FCHSD2: variants seen among roughly 807,000 people sequenced by gnomAD.
FCHSD2 encodes F-BAR and double SH3 domains protein 2.
A neutral mutation model predicts 108.1 loss-of-function variants in FCHSD2; 38 were observed. The ratio of observed to expected loss-of-function variants is 0.35; its 90% confidence interval spans 0.27 to 0.46. The LOEUF (loss-of-function observed/expected upper bound fraction) is 0.46, where lower values mean the gene tolerates loss of function less well. FCHSD2 is among the 20% of genes least tolerant of loss of function. The probability of loss-of-function intolerance (pLI) is 1.00; values close to 1 mark genes in which losing one functional copy is unlikely to be tolerated. For missense variants in FCHSD2, 751 were observed against 897.8 expected, an observed-to-expected ratio of 0.84 and a Z score of 2.09; for synonymous variants, 279 against 314.7, an observed-to-expected ratio of 0.89 and a Z score of 1.20.
intron 2 of FCHSD2, among the ~76,000 whole-genome samples, chr11:73,119,952 C>A (rs139159296): frequency 7.9e-4 from 120 of 152,296 alleles, no homozygotes; most frequent in African/African-American, 2.7e-3. Context: ...ACTTACAGTT[C>A]CACATGGCTG....
intron 12 of FCHSD2, among the ~76,000 whole-genome samples, chr11:72,887,036 A>C (rs1175348931): frequency 6.6e-6 from 1 of 151,920 alleles, no homozygotes; most frequent in Non-Finnish European, 1.5e-5. Context: ...CCCTGGATCC[A>C]GGGAACCTTC....
At chr11:73,091,040 T>C (rs1325789254) in intron 2 of FCHSD2, among the ~76,000 whole-genome samples, 1 of 152,252 alleles carries the variant, frequency 6.6e-6, no homozygotes, top group African/African-American at 2.4e-5. Flanking sequence ...GTCTGACTTC[T>C]TGCACTTAGC....
At chr11:72,959,707 A>G (rs1302971448) in intron 8 of FCHSD2, among the ~76,000 whole-genome samples, 1 of 152,168 alleles carries the variant, frequency 6.6e-6, no homozygotes, top group Non-Finnish European at 1.5e-5. Context: ...ATAGCTTTCT[A>G]TGTGTTTACT....
chr11:73,063,333 C>T (rs1047310798), intron 3 of FCHSD2, among the ~76,000 whole-genome samples: 2 of 152,196 alleles, frequency 1.3e-5, no homozygotes, highest in Non-Finnish European at 2.9e-5. Context: ...ACTGCAAAAA[C>T]ATGCCAAATT....
At chr11:73,063,563 A>G (rs958612477) in intron 3 of FCHSD2, among the ~76,000 whole-genome samples, 5 of 152,234 alleles carry the variant, frequency 3.3e-5, no homozygotes, top group Non-Finnish European at 2.9e-5. Context: ...GCAAAGACAC[A>G]CATAGGTTCA....
chr11:73,104,853 T>G (rs529267866), intron 2 of FCHSD2, among the ~76,000 whole-genome samples: 8 of 152,288 alleles, frequency 5.3e-5, no homozygotes, highest in Admixed American at 3.9e-4. Context: ...TCACCGTGCC[T>G]GGCCAACTTT....
chr11:73,129,569 A>G lies in FCHSD2; in HGVS notation c.119+10462T>C, dbSNP rs555710924. 4.6e-5 allele frequency among the ~76,000 whole-genome samples: 7 copies of G among 152,322 alleles called. No homozygotes were observed. The East Asian group carries it at 1.3e-3, about 29-fold the overall frequency. On this transcript the variant is annotated intron_variant, in intron 2 of 19. Transcript: ENST00000409418. ...TCTGTCACTGTCTCCCACCAACCCC[A>G]GATGGGACCGTCCAGTTGCAGAAAA...
chr11:72,989,141 G>A, intron 5 of FCHSD2, 44 bp from the exon 6 acceptor site: 2 of 1,539,118 alleles, frequency 1.3e-6, no homozygotes, highest in East Asian at 4.5e-5. Flanking sequence ...TAGTTTTCAG[G>A]CTTACAGAAA....
intron 8 of FCHSD2, among the ~76,000 whole-genome samples, chr11:72,929,381 C>A (rs948125854): frequency 1.3e-5 from 2 of 152,176 alleles, no homozygotes; most frequent in African/African-American, 4.8e-5. Context: ...ACCACCTCTG[C>A]AAGGCTGTGA....
At chr11:73,064,838 C>G (rs181363447) in intron 3 of FCHSD2, among the ~76,000 whole-genome samples, 38 of 152,246 alleles carry the variant, frequency 2.5e-4, no homozygotes, top group Admixed American at 1.2e-3. Context: ...AAACCAATAA[C>G]AAGTTCTGAA....
intron 3 of FCHSD2, among the ~76,000 whole-genome samples, chr11:73,060,801 A>G (rs1377445297): frequency 2.0e-5 from 3 of 151,978 alleles, no homozygotes; most frequent in Non-Finnish European, 4.4e-5. Flanking sequence ...AGAAGAAGGC[A>G]ATGGAGAGTT....
At chr11:72,935,250 T>C (rs1307336190) in intron 8 of FCHSD2, among the ~76,000 whole-genome samples, 3 of 152,148 alleles carry the variant, frequency 2.0e-5, no homozygotes, top group Non-Finnish European at 2.9e-5. Flanking sequence ...GGAAAATGGG[T>C]CATTTTCCTA....
chr11:73,016,814 C>A (rs982362551), intron 3 of FCHSD2, among the ~76,000 whole-genome samples: 38 of 152,138 alleles, frequency 2.5e-4, no homozygotes, highest in Non-Finnish European at 1.2e-4. Flanking sequence ...TGCCCACTTA[C>A]TATTATCTAC....
intron 10 of FCHSD2, among the ~76,000 whole-genome samples, chr11:72,892,704 A>C (rs1171798521): frequency 6.6e-6 from 1 of 152,022 alleles, no homozygotes; most frequent in Non-Finnish European, 1.5e-5. Context: ...TCCTGGGTTC[A>C]AGTGATCCTC....
chr11:72,968,943 T>C (rs1010272341), intron 8 of FCHSD2, among the ~76,000 whole-genome samples: 8 of 152,228 alleles, frequency 5.3e-5, no homozygotes, highest in African/African-American at 1.9e-4. Flanking sequence ...TCAAAACTGA[T>C]AGGTAATAAT....
At chr11:73,108,185 C>T (rs1200579548) in intron 2 of FCHSD2, among the ~76,000 whole-genome samples, 1 of 152,166 alleles carries the variant, frequency 6.6e-6, no homozygotes, top group Non-Finnish European at 1.5e-5. Flanking sequence ...TGTTCAAATG[C>T]CTGTTTGTCA....
At chr11:72,884,793 A>C (rs1246578452) in intron 12 of FCHSD2, among the ~76,000 whole-genome samples, 1 of 151,942 alleles carries the variant, frequency 6.6e-6, no homozygotes, top group African/African-American at 2.4e-5. Context: ...ACGATGTCTC[A>C]TCTGTTGCCC....
intron 2 of FCHSD2, among the ~76,000 whole-genome samples, chr11:73,085,728 A>G (rs950372259): frequency 2.2e-4 from 33 of 151,984 alleles, no homozygotes; most frequent in African/African-American, 7.5e-4. Context: ...AAAAAAAAAA[A>G]TCCCTGGGCA....
At chr11:72,989,485 A>T (rs1205242902) in intron 5 of FCHSD2, among the ~76,000 whole-genome samples, 2 of 152,186 alleles carry the variant, frequency 1.3e-5, no homozygotes, top group Non-Finnish European at 2.9e-5. Context: ...GTCTCTCTTT[A>T]TGTTTGGGTA....
Sources: allele counts gnomAD v4.1 joint callset (sites outside exome capture counted in the v4.1 genomes callset), GRCh38; gene constraint gnomAD v4.1.1; transcripts MANE v1.5; gene names NCBI Gene and HGNC (gene_info 2026-07-23, HGNC 2026-07-21).